MAPT: variants seen among roughly 807,000 people sequenced by gnomAD.
The protein encoded by MAPT is microtubule associated protein tau, also known as microtubule-associated protein tau.
Under a neutral mutation model 67.9 loss-of-function variants are expected in MAPT, and 34 were observed. The observed-to-expected ratio is 0.50, with a 90% CI of 0.38 to 0.67. The LOEUF is 0.67. Ranked by LOEUF, MAPT falls within the 30% of genes least tolerant of loss-of-function variation. The pLI is 0.00. For missense variants in MAPT, 881 were observed against 1,115.2 expected, an observed-to-expected ratio of 0.79 and a Z score of 2.99; for synonymous variants, 456 against 464.5, an observed-to-expected ratio of 0.98 and a Z score of 0.23.
chr17:46,004,490 A>T (rs1342245397), intron 9 of MAPT, among the ~76,000 whole-genome samples: 1 of 152,170 alleles, frequency 6.6e-6, no homozygotes, highest in East Asian at 1.9e-4. Flanking sequence ...CTCTCCCTTG[A>T]TGGTTTTTGT....
rs1198443030 is a variant in MAPT, at chr17:45,960,917, G to A, written c.-17-1404G>A. On this transcript the variant is annotated intron_variant, in intron 1 of 12. Transcript: ENST00000262410. ...GAAAATATGCAAATGTGTAAGAAAA[G>A]CCAGCACATCCGATTTTTACTTTTA... Among the ~76,000 whole-genome samples, 9 of 151,848 alleles carry A rather than the reference G, an allele frequency of 5.9e-5. No homozygotes were observed. In the East Asian group the frequency reaches 1.7e-3, roughly 29 times the overall value.
intron 3 of MAPT, chr17:45,978,079 G>T (rs944398286): frequency 1.3e-5 from 6 of 450,764 alleles, no homozygotes; most frequent in African/African-American, 1.2e-4. Flanking sequence ...CAGCCTGTGT[G>T]TCCTTGTTGA....
At chr17:45,929,640 A>C (rs1319950170) in intron 1 of MAPT, among the ~76,000 whole-genome samples, 1 of 152,248 alleles carries the variant, frequency 6.6e-6, no homozygotes, top group East Asian at 1.9e-4. Flanking sequence ...AGAAGAGCTC[A>C]GTAAATGCTG....
Position 46,010,296 on chromosome 17 carries a change from T to C in MAPT, c.1999-14T>C. On this transcript the variant is annotated splice_polypyrimidine_tract_variant and intron_variant, in intron 9 of 12. Transcript: ENST00000262410. This position sits in a 1 kb window ranked among gnomAD's most constrained non-coding sequence, Gnocchi z 4.7. Reference sequence around the variant, plus strand: ...GGGTGGCGTGTCACTCATCCTTTTTTCTGGCTACCAAAGGTGCAGATAATT... The same window carrying C: ...GGGTGGCGTGTCACTCATCCTTTTTCCTGGCTACCAAAGGTGCAGATAATT... 6.5e-7 allele frequency: 1 copy of C among 1,548,608 alleles called. No homozygotes were observed. The highest frequency in any genetic ancestry group is 2.0e-4 in the Middle Eastern group (1 of 4,904).
At chr17:45,929,312 T>G (rs2066641795) in intron 1 of MAPT, among the ~76,000 whole-genome samples, 1 of 152,196 alleles carries the variant, frequency 6.6e-6, no homozygotes, top group Non-Finnish European at 1.5e-5. Context: ...AAAGTCACAT[T>G]AGGTGATGGA....
intron 3 of MAPT, among the ~76,000 whole-genome samples, chr17:45,972,361 G>A (rs146908070): frequency 9.2e-5 from 14 of 152,316 alleles, no homozygotes; most frequent in African/African-American, 2.9e-4. Flanking sequence ...TGGGGGCTCT[G>A]GGTGTGGCCT....
chr17:45,981,210 C>T (rs2072915221), intron 4 of MAPT, among the ~76,000 whole-genome samples: 1 of 152,120 alleles, frequency 6.6e-6, no homozygotes, highest in Non-Finnish European at 1.5e-5. Flanking sequence ...TTTCCAAGCC[C>T]CTGAATCCTT....
intron 1 of MAPT, among the ~76,000 whole-genome samples, chr17:45,939,181 A>T (rs2067640196): frequency 1.3e-5 from 2 of 151,456 alleles, no homozygotes; most frequent in Admixed American, 6.6e-5. Flanking sequence ...CTGGTCTTGA[A>T]CTCCTGGGCT....
intron 3 of MAPT, chr17:45,973,265 T>G (rs1210752954): frequency 6.6e-6 from 1 of 152,186 alleles, no homozygotes; most frequent in African/African-American, 2.4e-5. Flanking sequence ...AATATCCAGA[T>G]CAGATTCTCT....
At chr17:45,969,381 A>G (rs1446339186) in intron 2 of MAPT, 1 of 152,146 alleles carries the variant, frequency 6.6e-6, no homozygotes, top group Non-Finnish European at 1.5e-5. Context: ...CCATCCATCC[A>G]CCCATATCTT....
intron 9 of MAPT, among the ~76,000 whole-genome samples, chr17:46,007,575 G>T (rs546431469): frequency 2.6e-5 from 4 of 152,094 alleles, no homozygotes; most frequent in African/African-American, 9.7e-5. Flanking sequence ...CAGCAAAAAG[G>T]GGGTAAAGGA....
chr17:46,016,267 C>T (rs1334142818), intron 11 of MAPT, among the ~76,000 whole-genome samples: 2 of 152,052 alleles, frequency 1.3e-5, no homozygotes, highest in Admixed American at 1.3e-4. Context: ...TGGCACATGC[C>T]TGTAATCCCA....
intron 1 of MAPT, among the ~76,000 whole-genome samples, chr17:45,913,507 C>T (rs1012508377): frequency 3.9e-5 from 6 of 152,144 alleles, no homozygotes; most frequent in African/African-American, 1.4e-4. Context: ...GATACCTGAA[C>T]CTTCCCTGGG....
intron 1 of MAPT, among the ~76,000 whole-genome samples, chr17:45,945,100 G>A (rs141318862): frequency 6.6e-6 from 1 of 152,180 alleles, no homozygotes; most frequent in Admixed American, 6.5e-5. Flanking sequence ...TTAGGGCCTC[G>A]AGTGGGGCTT....
intron 1 of MAPT, among the ~76,000 whole-genome samples, chr17:45,934,893 CT>C (rs67157566): frequency 8.5e-4 from 96 of 113,328 alleles, no homozygotes; most frequent in Non-Finnish European, 1.9e-3. Flanking sequence ...TTCCCCCCCG[CT>C]TCTTAGAAGG....
chr17:45,999,727 C>A, intron 9 of MAPT: 6 of 1,361,798 alleles, frequency 4.4e-6, no homozygotes, highest in South Asian at 1.4e-5. Flanking sequence ...GCAGCACGTC[C>A]AAATCTACTA....
chr17:45,955,008 CAAAAAA>C (rs371204124), intron 1 of MAPT, among the ~76,000 whole-genome samples: 1,815 of 151,434 alleles, frequency 0.012, 37 homozygotes, highest in African/African-American at 0.042. Flanking sequence ...AAAACAAAAA[CAAAAAA>C]AAATTATAAT....
At chr17:46,009,625 T>C (rs963584293) in intron 9 of MAPT, among the ~76,000 whole-genome samples, 1 of 152,172 alleles carries the variant, frequency 6.6e-6, no homozygotes, top group African/African-American at 2.4e-5. Context: ...GACAGAGCCC[T>C]CGTACAGAAG....
intron 7 of MAPT, among the ~76,000 whole-genome samples, 172 bp from the exon 8 acceptor site, chr17:45,991,288 C>T (rs895519933): frequency 6.6e-6 from 1 of 152,022 alleles, no homozygotes; most frequent in African/African-American, 2.4e-5. Context: ...GGTTTGTGTG[C>T]CCAGCAAGCC....
Sources: allele counts gnomAD v4.1 joint callset (sites outside exome capture counted in the v4.1 genomes callset), GRCh38; gene constraint gnomAD v4.1.1; non-coding constraint Gnocchi (gnomAD v3.1); transcripts MANE v1.5; gene names NCBI Gene and HGNC (gene_info 2026-07-23, HGNC 2026-07-21).